The following CR2 variants were observed in gnomAD, a reference collection of about 807,000 sequenced individuals.
CR2 encodes the protein complement receptor type 2.
A neutral mutation model predicts 123.0 loss-of-function variants in CR2; 96 were observed. The observed-to-expected ratio is 0.78, with a 90% confidence interval of 0.66 to 0.93. The LOEUF (loss-of-function observed/expected upper bound fraction) is 0.93, where lower values mean the gene tolerates loss of function less well. Ranked by LOEUF, CR2 falls within the 40% of genes least tolerant of loss-of-function variation. The pLI, the probability that CR2 is intolerant of heterozygous loss-of-function variation, is 0.00. For synonymous variants in CR2, 484 were observed against 469.5 expected (o/e 1.03, Z -0.40); for missense variants, 1,258 against 1,361.0 (o/e 0.92, Z 1.19).
chr1:207,487,071 A>C (rs548205620), intron 19 of CR2, among the ~76,000 whole-genome samples: 1 of 152,318 alleles, frequency 6.6e-6, no homozygotes, highest in Non-Finnish European at 1.5e-5. Context: ...AGGTCCAAGT[A>C]CTGAGCCCTG....
At chr1:207,479,937 T>C (rs756566398) in intron 17 of CR2, 41 bp from the exon 18 acceptor site, 2 of 1,453,694 alleles carry the variant, frequency 1.4e-6, no homozygotes, top group Non-Finnish European at 1.9e-6. Flanking sequence ...ATGTAGGTGA[T>C]CGTCTTCTGG....
Position 207,455,611 on chromosome 1 carries a change from A to G in CR2, c.58+1135A>G, listed in dbSNP as rs551489869. ...CAACTTTTTGCTTTCCTGACATTTTACTGTCTCCTGACCCTTAAACCTTTC... is the reference window on the plus strand; with the variant it reads ...CAACTTTTTGCTTTCCTGACATTTTGCTGTCTCCTGACCCTTAAACCTTTC... On this transcript the variant is annotated intron_variant, in intron 1 of 19. Transcript: ENST00000367057. Among the ~76,000 whole-genome samples the G allele has an allele frequency of 7.9e-5, 12 of 152,298 alleles. No individual in the cohort carries two copies. The East Asian group carries it at 1.9e-3, about 24-fold the overall frequency.
rs747931353 is a variant in CR2 at position 207,454,468 on chromosome 1, G to A, written c.50G>A (p.Gly17Glu). 1 of 1,573,222 alleles carries A rather than the reference G, an allele frequency of 6.4e-7. No individual in the cohort carries two copies. The highest frequency in any genetic ancestry group is 1.4e-5 in the African/African-American group (1 of 73,244). Residue 17 changes from glycine (G) to glutamate (E), a missense_variant, in exon 1 of 20, where the codon GGG becomes GAG. Physicochemically the swap from Gly to Glu is moderately conservative, Grantham distance 98. Coordinates refer to ENST00000367057, the MANE Select transcript of CR2 (RefSeq NM_001006658.3). The surrounding 1 kb of genome is among the most constrained non-coding windows in gnomAD (Gnocchi z 4.3). ...LGVFLALVAP[G>E]VLGISCGSPP... The stretch of plus-strand genomic sequence containing the variant: ...GTTTTCTTGGCTCTCGTCGCACCGG[G>A]GGTCCTCGGTGAGCTGGGAGGGGGA...
intron 14 of CR2, 95 bp from the exon 15 acceptor site, chr1:207,476,138 TG>T: frequency 1.7e-6 from 2 of 1,197,682 alleles, no homozygotes; most frequent in Non-Finnish European, 2.5e-6. Context: ...GTTGGCTTGT[TG>T]CTTCTGGCCT....
rs369693011 is a variant in CR2 at position 207,482,272 on chromosome 1, T to G, written c.3188+2219T>G. 5.3e-5 allele frequency among the ~76,000 whole-genome samples: 8 copies of G among 152,210 alleles called. No homozygotes were observed. In the East Asian group the frequency reaches 1.5e-3, roughly 29 times the overall value. The stretch of plus-strand genomic sequence containing the variant: ...TTTAAAATACAAAAGTAAATATGCT[T>G]GTTGTAGCAAATTAGTTTATAAAGA... On this transcript the variant is annotated intron_variant, in intron 18 of 19. Coordinates refer to ENST00000367057, the MANE Select transcript of CR2 (RefSeq NM_001006658.3).
Position 207,473,242 on chromosome 1 carries a change from C to T in CR2, c.1978+63C>T, listed in dbSNP as rs1446468482. On this transcript the variant is annotated intron_variant, in intron 10 of 19. Coordinates refer to ENST00000367057, the MANE Select transcript of CR2 (RefSeq NM_001006658.3). ...CTTAATTATTCTTGTTTATTATCTC[C>T]CACCCAAAACTGCATCATGGAAAGA... 1.9e-6 allele frequency: 3 copies of T among 1,577,536 alleles called. No homozygotes were observed. In the African/African-American group the frequency reaches 4.0e-5, roughly 21 times the overall value.
intron 1 of CR2, among the ~76,000 whole-genome samples, chr1:207,464,702 AC>A (rs1658051230): frequency 6.6e-6 from 1 of 152,146 alleles, no homozygotes; most frequent in African/African-American, 2.4e-5. Context: ...GCTTGGTTTT[AC>A]CCTGAAAGGC....
chr1:207,488,704 A>G (rs930861156), intron 19 of CR2, among the ~76,000 whole-genome samples: 25 of 152,198 alleles, frequency 1.6e-4, no homozygotes, highest in African/African-American at 5.5e-4. Flanking sequence ...CATAAATATC[A>G]TAGGTAATAA....
In CR2 at chr1:207,469,838, A is replaced by C. The variant is rs766696566; in HGVS notation, c.961A>C (p.Ser321Arg). ...AGTGAACTTCATCCTTATTGGAGAG[A>C]GCACTCTCCGTTGTACAGTTGATAG... ...EGVNFILIGE[S>R]TLRCTVDSQK... Residue 321 changes from serine to arginine, a missense_variant, in exon 6 of 20, where the codon AGC becomes CGC. Coordinates refer to ENST00000367057, the MANE Select transcript of CR2 (RefSeq NM_001006658.3). 6.2e-7 allele frequency: 1 copy of C among 1,613,962 alleles called. No individual in the cohort carries two copies. Among genetic ancestry groups the C allele is most frequent in the Non-Finnish European group, 8.5e-7 (1 of 1,179,940 alleles).
At chr1:207,470,976 C>A in intron 7 of CR2, 21 bp from the exon 8 acceptor site, 1 of 1,613,812 alleles carries the variant, frequency 6.2e-7, no homozygotes, top group South Asian at 1.1e-5. Flanking sequence ...ATTAAATTCT[C>A]ATCCTAGTCT....
In CR2 at chr1:207,470,096, G is replaced by C; in HGVS notation, c.1219G>C (p.Glu407Gln). ...ATGGGAGCCATCTGCACCAGTCTGT[G>C]AAAAGGGTGAGTGTTCCGGTACTCA... ...GTWEPSAPVC[E>Q]KECQAPPNIL... Residue 407 changes from glutamate to glutamine, a missense_variant, in exon 6 of 20, where the codon GAA (glutamate) becomes CAA (glutamine). By Grantham distance (29) the Glu-to-Gln change is conservative. Transcript: ENST00000367057. The C allele has an allele frequency of 6.2e-7, 1 of 1,613,556 alleles. No homozygotes were observed. Among genetic ancestry groups the C allele is most frequent in the Non-Finnish European group, 8.5e-7 (1 of 1,179,828 alleles).
chr1:207,468,542 G>A lies in CR2; in HGVS notation c.461G>A (p.Cys154Tyr), dbSNP rs369202942. 6 of 1,613,858 alleles carry A rather than the reference G, an allele frequency of 3.7e-6. No homozygotes were observed. The highest frequency in any genetic ancestry group is 2.7e-5 in the African/African-American group (2 of 74,948). The change falls in exon 3 of 20, where the codon TGT (cysteine) becomes TAT (tyrosine). Residue 154 changes from cysteine to tyrosine, a missense_variant. Physicochemically the swap from Cys to Tyr is radical, Grantham distance 194. Coordinates refer to ENST00000367057, the MANE Select transcript of CR2 (RefSeq NM_001006658.3). ...GTGTGTAAAGTTTTCCCTCTCGAGT[G>A]TCCAGCACTTCCTATGATCCACAAT... ...PTCVSVFPLE[C>Y]PALPMIHNGH...
At chr1:207,485,427 G>T (rs1658722258) in intron 18 of CR2, 37 bp from the exon 19 acceptor site, 1 of 1,301,588 alleles carries the variant, frequency 7.7e-7, no homozygotes, top group Admixed American at 1.7e-5. Flanking sequence ...TGGTCAATGA[G>T]TAAAGATATT....
At chr1:207,465,385 C>T (rs1052794083) in intron 1 of CR2, among the ~76,000 whole-genome samples, 1 of 145,474 alleles carries the variant, frequency 6.9e-6, no homozygotes, top group African/African-American at 2.5e-5. Context: ...GCACCAAAGT[C>T]AATGATTAGA....
intron 19 of CR2, 117 bp from the exon 20 acceptor site, chr1:207,489,025 G>A (rs990793809): frequency 3.9e-5 from 6 of 152,246 alleles, no homozygotes; most frequent in African/African-American, 1.4e-4. Context: ...TAGACTTGAT[G>A]CTTTGTTGGT....
At position 207,473,122 on chromosome 1, in the gene CR2, C is replaced by T; in HGVS notation, c.1921C>T (p.Gln641Ter). ...YSGFTLKGSS[Q>*]IRCKADNTWD... Reference sequence around the variant, plus strand: ...TGGATTTACTTTGAAGGGCAGTAGTCAGATTCGTTGCAAAGCTGATAACAC... The same window carrying T: ...TGGATTTACTTTGAAGGGCAGTAGTTAGATTCGTTGCAAAGCTGATAACAC... The change falls in exon 10 of 20, where the codon CAG (glutamine) becomes TAG (stop). Residue 641 changes from glutamine (Q) to a stop codon, truncating the protein, a stop_gained. Coordinates refer to ENST00000367057, the MANE Select transcript of CR2 (RefSeq NM_001006658.3). LOFTEE classifies it high-confidence loss of function. The T allele has an allele frequency of 6.2e-7, 1 of 1,613,902 alleles. No homozygotes were observed. Among genetic ancestry groups the T allele is most frequent in the Non-Finnish European group, 8.5e-7 (1 of 1,179,896 alleles).
intron 18 of CR2, among the ~76,000 whole-genome samples, chr1:207,483,167 G>T (rs1658652718): frequency 1.3e-5 from 2 of 152,168 alleles, no homozygotes; most frequent in South Asian, 4.1e-4. Context: ...CGAGTGGGGA[G>T]ATGACCAAGT....
intron 1 of CR2, among the ~76,000 whole-genome samples, chr1:207,456,863 TG>T (rs1002533230): frequency 6.6e-6 from 1 of 152,228 alleles, no homozygotes; most frequent in Non-Finnish European, 1.5e-5. Flanking sequence ...TCACTCTCTC[TG>T]CCCCAGCCAC....
intron 18 of CR2, among the ~76,000 whole-genome samples, chr1:207,484,588 T>A (rs970241118): frequency 6.6e-6 from 1 of 152,240 alleles, no homozygotes; most frequent in Non-Finnish European, 1.5e-5. Context: ...TCTTAACATA[T>A]CTCCTGTACA....
Sources: gnomAD v4.1 joint callset for allele counts (sites outside exome capture counted in the v4.1 genomes callset) on GRCh38, gnomAD v4.1.1 for gene constraint, Gnocchi (gnomAD v3.1) non-coding constraint, MANE v1.5 for transcripts, NCBI Gene and HGNC (gene_info 2026-07-23, HGNC 2026-07-21) for gene names.